The following GIMAP8 variants were observed in gnomAD, a reference collection of about 807,000 sequenced individuals.
The protein encoded by GIMAP8 is GTPase, IMAP family member 8, also known as GTPase IMAP family member 8.
In GIMAP8, 29 loss-of-function variants were observed where a neutral mutation model predicts 35.6. That is an observed-to-expected ratio of 0.81 (90% CI 0.61 to 1.11). The LOEUF (loss-of-function observed/expected upper bound fraction) is 1.11, where lower values mean the gene tolerates loss of function less well. Among genes scored for constraint, GIMAP8 ranks in the 50% most tolerant of loss-of-function variants. GIMAP8 has a pLI of 0.00. For missense variants in GIMAP8, 811 were observed against 805.0 expected, an observed-to-expected ratio of 1.01 and a Z score of -0.09; for synonymous variants, 335 against 308.7, an observed-to-expected ratio of 1.09 and a Z score of -0.89.
intron 3 of GIMAP8, among the ~76,000 whole-genome samples, chr7:150,471,493 C>T (rs55919622): frequency 0.04 from 6,064 of 152,254 alleles, 398 homozygotes; most frequent in African/African-American, 0.14. Flanking sequence ...TCCTTTTCCT[C>T]ATGGAAATCT....
At chr7:150,463,994 A>T (rs192379613) in intron 1 of GIMAP8, among the ~76,000 whole-genome samples, 3 of 152,320 alleles carry the variant, frequency 2.0e-5, no homozygotes, top group Non-Finnish European at 4.4e-5. Flanking sequence ...TGGTGGTGGC[A>T]GTAGTGGGCT....
intron 1 of GIMAP8, among the ~76,000 whole-genome samples, chr7:150,457,074 GAA>G (rs1281066922): frequency 6.6e-6 from 1 of 152,208 alleles, no homozygotes; most frequent in Non-Finnish European, 1.5e-5. Flanking sequence ...TGAGAGCCTT[GAA>G]CAGAGTTTCA....
At position 150,478,104 on chromosome 7, in the gene GIMAP8, A is replaced by AT; in HGVS notation, c.*324_*325insT. 1 of 335,910 alleles carries AT rather than the reference A, an allele frequency of 3.0e-6. No homozygotes were observed. Among genetic ancestry groups the AT allele is most frequent in the Non-Finnish European group, 5.5e-6 (1 of 182,780 alleles). 20.8% of individuals were successfully genotyped at this position (335,910 alleles called of 1,614,324 possible). A position where few individuals can be genotyped will look rare whatever the true frequency, so the allele number is the denominator to read the frequency against. ...TGTAGGTAGGTTGGAATCAGGATAG[A>AT]CACTGTGATCAAGGCTGAGGCCACC... is the stretch of plus-strand genomic sequence containing the variant. On this transcript the variant is annotated 3_prime_UTR_variant, in exon 5 of 5. Coordinates refer to ENST00000307271, the MANE Select transcript of GIMAP8 (RefSeq NM_175571.4).
chr7:150,470,968 C>A, intron 3 of GIMAP8, 94 bp downstream of exon 3: 1 of 905,234 alleles, frequency 1.1e-6, no homozygotes, highest in Non-Finnish European at 1.7e-6. Flanking sequence ...TCCATATAAA[C>A]CAGAAAATTC....
chr7:150,473,951 C>A, intron 3 of GIMAP8, 61 bp from the exon 4 acceptor site: 3 of 1,524,390 alleles, frequency 2.0e-6, no homozygotes, highest in Non-Finnish European at 2.6e-6. Flanking sequence ...AATCATAAAA[C>A]CTGCCCACAT....
In GIMAP8 at chr7:150,472,469, G is replaced by A. The variant is rs184566788; in HGVS notation, c.683-1543G>A. Among the ~76,000 whole-genome samples the A allele has an allele frequency of 3.9e-5, 6 of 152,196 alleles. No homozygotes were observed. The highest frequency in any genetic ancestry group is 1.2e-4 in the African/African-American group (5 of 41,508). On this transcript the variant is annotated intron_variant, in intron 3 of 4. Transcript: ENST00000307271. The surrounding 1 kb of genome is among the most constrained non-coding windows in gnomAD (Gnocchi z 4.1). ...GAGTGGTTGTGGTTGTGGAAGACTC[G>A]TGTCTGATTTTCTGTAATACTGTGG...
At position 150,474,258 on chromosome 7, in the gene GIMAP8, A is replaced by G; in HGVS notation, c.929A>G (p.Lys310Arg). Residue 310 changes from lysine (K) to arginine (R), a missense_variant, in exon 4 of 5, where the codon AAG becomes AGG. Coordinates refer to ENST00000307271, the MANE Select transcript of GIMAP8 (RefSeq NM_175571.4). ...IIDAPDISSL[K>R]NIDSEVRKHI... ...GATGCTCCGGACATCTCATCTTTAA[A>G]GAACATTGACTCAGAAGTTAGAAAA... 1.2e-6 allele frequency: 2 copies of G among 1,614,078 alleles called. No individual in the cohort carries two copies. Among genetic ancestry groups the G allele is most frequent in the South Asian group, 2.2e-5 (2 of 91,080 alleles).
intron 1 of GIMAP8, among the ~76,000 whole-genome samples, chr7:150,457,376 T>A (rs1801752098): frequency 6.6e-6 from 1 of 150,424 alleles, no homozygotes; most frequent in Non-Finnish European, 1.5e-5. Flanking sequence ...GCTGCAGAGA[T>A]CTTGTTTATG....
At chr7:150,452,979 A>C (rs1801652018) in intron 1 of GIMAP8, among the ~76,000 whole-genome samples, 1 of 151,758 alleles carries the variant, frequency 6.6e-6, no homozygotes, top group Non-Finnish European at 1.5e-5. Context: ...CGTATTGGGC[A>C]TATACTACAT....
rs1030266570 is a variant in GIMAP8, at chr7:150,477,856, T to C, written c.*76T>C. 4 of 1,194,884 alleles carry C rather than the reference T, an allele frequency of 3.3e-6. No individual in the cohort carries two copies. In the African/African-American group the frequency reaches 6.2e-5, roughly 18 times the overall value. The allele number at this position is 1,194,884 out of a possible 1,614,324, so 74.0% of individuals were successfully genotyped here. ...GGGAGGGGCGGGGCATGGTACAACCTGTGGGAAGGGAAGCGGGTTCATGGC... is the reference window on the plus strand; with the variant it reads ...GGGAGGGGCGGGGCATGGTACAACCCGTGGGAAGGGAAGCGGGTTCATGGC... On this transcript the variant is annotated 3_prime_UTR_variant, in exon 5 of 5. Coordinates refer to ENST00000307271, the MANE Select transcript of GIMAP8 (RefSeq NM_175571.4).
intron 1 of GIMAP8, among the ~76,000 whole-genome samples, chr7:150,452,465 C>T (rs1013913923): frequency 2.0e-5 from 3 of 151,562 alleles, no homozygotes; most frequent in African/African-American, 7.3e-5. Flanking sequence ...CTTCTTCAGA[C>T]CTGTGGGAGG....
chr7:150,463,753 A>G (rs1489198173), intron 1 of GIMAP8, among the ~76,000 whole-genome samples: 1 of 152,178 alleles, frequency 6.6e-6, no homozygotes, highest in East Asian at 1.9e-4. Flanking sequence ...ATTGGTGACT[A>G]TGGGCTATGT....
intron 1 of GIMAP8, among the ~76,000 whole-genome samples, chr7:150,460,673 A>G (rs1444974819): frequency 6.6e-6 from 1 of 152,200 alleles, no homozygotes; most frequent in African/African-American, 2.4e-5. Context: ...TCCTCTGTCA[A>G]TTCATTGTAG....
rs1173464478 is a variant in GIMAP8, at chr7:150,452,593, ATATGTATATATG to A, written c.-29+1434_-29+1445del. On this transcript the variant is annotated intron_variant, in intron 1 of 4. Transcript: ENST00000307271. Reference sequence around the variant, plus strand: ...TGTGTGTGTATGTATATATGTATATATATGTATATATGTATGTATATATGTATATATGTGTAT... The same window carrying A: ...TGTGTGTGTATGTATATATGTATATATATGTATATATGTATATATGTGTAT... 1.1e-4 allele frequency among the ~76,000 whole-genome samples: 16 copies of A among 147,588 alleles called. 1 individual carries two copies. The highest frequency in any genetic ancestry group is 6.2e-4 in the Admixed American group (9 of 14,620).
chr7:150,458,146 G>C (rs1291013940), intron 1 of GIMAP8, among the ~76,000 whole-genome samples: 4 of 152,172 alleles, frequency 2.6e-5, no homozygotes, highest in Admixed American at 2.6e-4. Context: ...TGTGTGGTGT[G>C]TGTGTGTGTG....
chr7:150,473,463 T>G (rs930146511), intron 3 of GIMAP8, among the ~76,000 whole-genome samples: 2 of 150,456 alleles, frequency 1.3e-5, no homozygotes, highest in Non-Finnish European at 3.0e-5. Context: ...TCAACATAGA[T>G]TAATTTGGTC....
chr7:150,463,367 C>G (rs1801882196), intron 1 of GIMAP8, among the ~76,000 whole-genome samples: 1 of 152,122 alleles, frequency 6.6e-6, no homozygotes, highest in Admixed American at 6.5e-5. Context: ...GGATCTGTTA[C>G]TAGAGAATTA....
At chr7:150,474,699 T>C (rs1335067423) in intron 4 of GIMAP8, 61 bp downstream of exon 4, 6 of 1,059,792 alleles carry the variant, frequency 5.7e-6, no homozygotes, top group Non-Finnish European at 7.7e-6. Context: ...GTATAAAATA[T>C]ATAAGAACTT....
At position 150,477,102 on chromosome 7, in the gene GIMAP8, C is replaced by T; in HGVS notation, c.1320C>T (p.Asn440=). 1.9e-6 allele frequency: 3 copies of T among 1,601,980 alleles called. No homozygotes were observed. The highest frequency in any genetic ancestry group is 1.7e-6 in the Non-Finnish European group (2 of 1,169,770). Reference sequence around the variant, plus strand: ...ACTTTCCTTTGACAGAAACCCTGAACATTGTCCTTGTGGGGAGAAGCGGGA... The same window carrying T: ...ACTTTCCTTTGACAGAAACCCTGAATATTGTCCTTGTGGGGAGAAGCGGGA... ...HCVFREKETL[N]IVLVGRSGTG... is the part of the protein sequence containing the mutation. The change falls in exon 5 of 5, where the codon AAC becomes AAT. Residue 440 remains asparagine (N), a synonymous_variant. Transcript: ENST00000307271.
Sources: allele counts gnomAD v4.1 joint callset (sites outside exome capture counted in the v4.1 genomes callset), GRCh38; gene constraint gnomAD v4.1.1; non-coding constraint Gnocchi (gnomAD v3.1); transcripts MANE v1.5; gene names NCBI Gene and HGNC (gene_info 2026-07-23, HGNC 2026-07-21).